CACNA1A: variants seen among roughly 807,000 people sequenced by gnomAD.
The protein encoded by CACNA1A is calcium voltage-gated channel subunit alpha1 A.
CACNA1A carries 57 observed loss-of-function variants against 262.4 expected under a neutral mutation model. The observed-to-expected ratio is 0.22, with a 90% CI of 0.18 to 0.27. CACNA1A has a LOEUF of 0.27. Among genes scored for constraint, CACNA1A ranks in the 10% least tolerant of loss-of-function variants. The pLI is 1.00. For missense variants in CACNA1A, 2,526 were observed against 3,562.8 expected (o/e 0.71, Z 7.41); for synonymous variants, 1,431 against 1,419.3 (o/e 1.01, Z -0.18).
Position 13,214,153 on chromosome 19 carries a change from TCA to T in CACNA1A, c.5940+78_5940+79del. 1.7e-6 allele frequency: 2 copies of T among 1,178,488 alleles called. No individual in the cohort carries two copies. The highest frequency in any genetic ancestry group is 1.2e-6 in the Non-Finnish European group (1 of 820,016). The allele number at this position is 1,178,488 out of a possible 1,614,324, so 73.0% of individuals were successfully genotyped here. ...GACCTGCCCTGGGGCTCAGCCACCC[TCA>T]TATTCCAGTTGGTTCCCGTGGTGAC... On this transcript the variant is annotated intron_variant, in intron 40 of 46. Transcript: ENST00000360228. The surrounding 1 kb of genome is among the most constrained non-coding windows in gnomAD (Gnocchi z 4.1).
At chr19:13,501,135 T>A (rs1295131759) in intron 1 of CACNA1A, among the ~76,000 whole-genome samples, 2 of 152,008 alleles carry the variant, frequency 1.3e-5, no homozygotes, top group African/African-American at 4.8e-5. Context: ...TTGTCAAAGC[T>A]TGCAGACCAG....
intron 9 of CACNA1A, among the ~76,000 whole-genome samples, chr19:13,331,521 G>A (rs10404387): frequency 0.21 from 31,910 of 152,038 alleles, 3,651 homozygotes; most frequent in African/African-American, 0.31. Context: ...ACAGGCATGA[G>A]CCACCACGCC....
intron 1 of CACNA1A, among the ~76,000 whole-genome samples, chr19:13,467,673 C>T (rs1195676545): frequency 2.0e-5 from 3 of 150,410 alleles, no homozygotes; most frequent in Admixed American, 6.6e-5. Flanking sequence ...GGGGTGATCT[C>T]GGCTCACTGC....
At chr19:13,429,007 C>G (rs2060452824) in intron 3 of CACNA1A, among the ~76,000 whole-genome samples, 1 of 152,058 alleles carries the variant, frequency 6.6e-6, no homozygotes, top group Non-Finnish European at 1.5e-5. Flanking sequence ...GCCTCTCTAC[C>G]ACTTGCCTAT....
chr19:13,439,911 C>A (rs1388847021), intron 3 of CACNA1A, among the ~76,000 whole-genome samples: 1 of 152,114 alleles, frequency 6.6e-6, no homozygotes, highest in East Asian at 1.9e-4. Flanking sequence ...ATCACTTGGT[C>A]CATTTTCAAA....
rs35266881 is a variant in CACNA1A, at chr19:13,437,691, CAAAAAAA to C, written c.539+15178_539+15184del. 6.6e-3 allele frequency among the ~76,000 whole-genome samples: 430 copies of C among 64,954 alleles called. 3 individuals are homozygous for C. The highest frequency in any genetic ancestry group is 0.018 in the African/African-American group (368 of 20,934). The allele number at this position is 64,954 out of a possible 152,430, so 42.6% of individuals were successfully genotyped here. Reference sequence around the variant, plus strand: ...GGGCAACAAGAGTGAAACCCCATCTCAAAAAAAAAAAAAAAAAAAAAAAGAAACAAAA... The same window carrying C: ...GGGCAACAAGAGTGAAACCCCATCTCAAAAAAAAAAAAAAAAGAAACAAAA... On this transcript the variant is annotated intron_variant, in intron 3 of 46. Coordinates refer to ENST00000360228, the MANE Select transcript of CACNA1A (RefSeq NM_001127222.2).
intron 19 of CACNA1A, among the ~76,000 whole-genome samples, chr19:13,290,669 G>A (rs1322575023): frequency 6.6e-6 from 1 of 151,850 alleles, no homozygotes; most frequent in Non-Finnish European, 1.5e-5. Flanking sequence ...TGCCTTGGCC[G>A]CCCAAAGTGC....
chr19:13,384,222 C>T (rs140322568), intron 3 of CACNA1A, among the ~76,000 whole-genome samples: 37 of 152,142 alleles, frequency 2.4e-4, no homozygotes, highest in African/African-American at 8.7e-4. Flanking sequence ...CTAGTGAGTA[C>T]TCAATAAATA....
intron 43 of CACNA1A, chr19:13,210,941 G>A (rs1047634253): frequency 5.0e-5 from 26 of 524,072 alleles, no homozygotes; most frequent in African/African-American, 4.6e-4. Context: ...GGGACCGAAA[G>A]ACAGGACGGC....
intron 24 of CACNA1A, among the ~76,000 whole-genome samples, chr19:13,265,623 T>C (rs752707362): frequency 3.3e-5 from 5 of 152,174 alleles, no homozygotes; most frequent in Non-Finnish European, 7.3e-5. Context: ...GATTAAATAA[T>C]TGGATCTCAG....
chr19:13,478,434 C>T (rs888760531), intron 1 of CACNA1A, among the ~76,000 whole-genome samples: 2 of 152,190 alleles, frequency 1.3e-5, no homozygotes, highest in African/African-American at 4.8e-5. Flanking sequence ...CTTCCCACCT[C>T]AGCCTCCTAA....
intron 3 of CACNA1A, among the ~76,000 whole-genome samples, chr19:13,413,895 A>G (rs200713181): frequency 1.9e-4 from 23 of 119,210 alleles, no homozygotes; most frequent in African/African-American, 6.1e-4. Context: ...GAAAGAAAGA[A>G]AAAGAAAGAA....
chr19:13,506,257 G>T lies in CACNA1A; in HGVS notation c.-33C>A. 1 of 1,413,136 alleles carries T rather than the reference G, an allele frequency of 7.1e-7. No homozygotes were observed. The highest frequency in any genetic ancestry group is 9.1e-7 in the Non-Finnish European group (1 of 1,095,770). The allele number at this position is 1,413,136 out of a possible 1,614,324, so 87.5% of individuals were successfully genotyped here. The stretch of plus-strand genomic sequence containing the variant: ...AGAGCAAAGGGCTCCGGGTTACGCT[G>T]CGGCGAACGATGCGGAAGACGCCGC... On this transcript the variant is annotated 5_prime_UTR_variant, in exon 1 of 47. Coordinates refer to ENST00000360228, the MANE Select transcript of CACNA1A (RefSeq NM_001127222.2).
At chr19:13,409,508 A>C (rs1316393956) in intron 3 of CACNA1A, among the ~76,000 whole-genome samples, 1 of 152,098 alleles carries the variant, frequency 6.6e-6, no homozygotes, top group Non-Finnish European at 1.5e-5. Context: ...CGCCTGGTAC[A>C]AAGTAAATGT....
intron 37 of CACNA1A, chr19:13,227,100 G>A (rs764938169): frequency 1.2e-5 from 2 of 169,968 alleles, no homozygotes; most frequent in Non-Finnish European, 2.5e-5. Context: ...CTGAAGAAGC[G>A]TGTTTGTTTC....
chr19:13,480,109 T>G (rs538809564), intron 1 of CACNA1A, among the ~76,000 whole-genome samples: 54 of 152,370 alleles, frequency 3.5e-4, no homozygotes, highest in Non-Finnish European at 6.9e-4. Context: ...ATTACGTATT[T>G]GTAGCATATA....
chr19:13,367,641 T>C (rs184885240), intron 4 of CACNA1A, among the ~76,000 whole-genome samples: 5 of 152,036 alleles, frequency 3.3e-5, no homozygotes, highest in Admixed American at 6.6e-5. Context: ...GGCAGGAGAA[T>C]GGTGTGAACC....
intron 3 of CACNA1A, among the ~76,000 whole-genome samples, chr19:13,382,247 G>A (rs897755252): frequency 1.3e-5 from 2 of 152,104 alleles, no homozygotes; most frequent in Non-Finnish European, 2.9e-5. Flanking sequence ...GCTCATGTCC[G>A]GGGAGGCAGC....
chr19:13,235,858 G>T, intron 31 of CACNA1A, 128 bp from the exon 32 acceptor site: 2 of 628,904 alleles, frequency 3.2e-6, no homozygotes, highest in Non-Finnish European at 5.7e-6. Context: ...CAAATAAGGA[G>T]GGAGAGAGAA....
Sources: allele counts gnomAD v4.1 joint callset (sites outside exome capture counted in the v4.1 genomes callset), GRCh38; gene constraint gnomAD v4.1.1; non-coding constraint Gnocchi (gnomAD v3.1); transcripts MANE v1.5; gene names NCBI Gene and HGNC (gene_info 2026-07-23, HGNC 2026-07-21).